Variants in ZNF432 observed in about 807,000 individuals in gnomAD.
The protein encoded by ZNF432 is zinc finger protein 432.
A neutral mutation model predicts 13.9 loss-of-function variants in ZNF432; 10 were observed. The ratio of observed to expected loss-of-function variants is 0.72; its 90% CI spans 0.44 to 1.22. ZNF432 has a LOEUF of 1.22. ZNF432 is among the 50% of genes most tolerant of loss of function. The pLI is 0.00. For synonymous variants in ZNF432, 247 were observed against 256.2 expected, an observed-to-expected ratio of 0.96 and a Z score of 0.34; for missense variants, 793 against 796.2, an observed-to-expected ratio of 1.00 and a Z score of 0.05.
chr19:52,034,027 G>T lies in ZNF432; in HGVS notation c.1652C>A (p.Thr551Asn), dbSNP rs550687283. 6.2e-7 allele frequency: 1 copy of T among 1,614,188 alleles called. No homozygotes were observed. The highest frequency in any genetic ancestry group is 1.3e-5 in the African/African-American group (1 of 75,054). Reference sequence around the variant, plus strand: ...ATGTACAATGAGATAGCGTTTCATGGTGAAGCCTTTTCCACATTCACTGCA... The same window carrying T: ...ATGTACAATGAGATAGCGTTTCATGTTGAAGCCTTTTCCACATTCACTGCA... Reference protein sequence around the residue: ...FMCSECGKGFTMKRYLIVHQQ... With the variant: ...FMCSECGKGFNMKRYLIVHQQ... Residue 551 changes from threonine (T) to asparagine (N), a missense_variant, in exon 5 of 5, where the codon ACC becomes AAC. Thr to Asn is a moderately conservative substitution (Grantham distance 65). Coordinates refer to ENST00000221315, the MANE Select transcript of ZNF432 (RefSeq NM_014650.4).
rs778228770 is a variant in ZNF432 at position 52,033,865 on chromosome 19, C to T, written c.1814G>A (p.Gly605Asp). Residue 605 changes from glycine (G) to aspartate (D), a missense_variant, in exon 5 of 5, where the codon GGC (glycine) becomes GAC (aspartate). Physicochemically the swap from Gly to Asp is moderately conservative, Grantham distance 94. Transcript: ENST00000221315. ...AATTAGACGGCTCTTCATAGTGAAG[C>T]CTTTACCACATTCATTACATCCATA... ...KPYGCNECGK[G>D]FTMKSRLIVH... The T allele has an allele frequency of 7.4e-6, 12 of 1,614,052 alleles. No individual in the cohort carries two copies. In the East Asian group the frequency reaches 1.8e-4, roughly 24 times the overall value.
Position 52,035,121 on chromosome 19 carries a change from A to G in ZNF432, c.558T>C (p.Asn186=), listed in dbSNP as rs1264020692. ...AAKFSVSTKA[N]STKSQVSKHQ... ...GCTTACTGACTTGGGATTTAGTGCT[A>G]TTGGCTTTTGTACTTACAGAGAATT... The change falls in exon 5 of 5, where the codon AAT becomes AAC. Residue 186 remains asparagine (N), a synonymous_variant. Transcript: ENST00000221315. The G allele has an allele frequency of 3.7e-6, 6 of 1,613,990 alleles. No individual in the cohort carries two copies. The highest frequency in any genetic ancestry group is 5.1e-6 in the Non-Finnish European group (6 of 1,179,990).
rs755650894 is a variant in ZNF432, at chr19:52,034,537, C to A, written c.1142G>T (p.Gly381Val). 8 of 1,612,356 alleles carry A rather than the reference C, an allele frequency of 5.0e-6. No individual in the cohort carries two copies. Among genetic ancestry groups the A allele is most frequent in the Admixed American group, 1.7e-5 (1 of 59,894 alleles). Residue 381 changes from glycine to valine, a missense_variant, in exon 5 of 5, where the codon GGC (glycine) becomes GTC (valine). Gly to Val is a moderately radical substitution (Grantham distance 109, BLOSUM62 -3). Transcript: ENST00000221315. ...GATCATACGGCTCTTCATGGTGAAG[C>A]CTTTCCCACATTCATTGCATATATA... The part of the protein sequence containing the change: ...KPYICNECGK[G>V]FTMKSRMIEH...
chr19:52,038,878 G>C (rs754749731), intron 4 of ZNF432, among the ~76,000 whole-genome samples: 1 of 152,238 alleles, frequency 6.6e-6, no homozygotes, highest in Admixed American at 6.5e-5. Context: ...TGTTTGCCTG[G>C]TGGCTTTAGC....
chr19:52,044,503 T>C (rs1318658972), intron 2 of ZNF432, among the ~76,000 whole-genome samples: 1 of 151,984 alleles, frequency 6.6e-6, no homozygotes, highest in Admixed American at 6.6e-5. Context: ...AAAAGATCAA[T>C]ATATAGTAGA....
At chr19:52,041,836 G>A (rs2087139650) in intron 2 of ZNF432, among the ~76,000 whole-genome samples, 1 of 152,054 alleles carries the variant, frequency 6.6e-6, no homozygotes, top group South Asian at 2.1e-4. Flanking sequence ...CAGTAAAAGC[G>A]GGTTTTATGT....
In ZNF432 at chr19:52,033,935, T is replaced by C. The variant is rs1394416746; in HGVS notation, c.1744A>G (p.Thr582Ala). Reference sequence around the variant, plus strand: ...ACTTGCTTATGTAAAGCAAGCTCTGTTTCCTTGGCAAAGCCTCTTCCACAT... The same window carrying C: ...ACTTGCTTATGTAAAGCAAGCTCTGCTTCCTTGGCAAAGCCTCTTCCACAT... Reference protein sequence around the residue: ...SECGRGFAKETELALHKQVHT... With the variant: ...SECGRGFAKEAELALHKQVHT... The change falls in exon 5 of 5, where the codon ACA becomes GCA. Residue 582 changes from threonine to alanine, a missense_variant. Thr to Ala is a moderately conservative substitution (Grantham distance 58). Coordinates refer to ENST00000221315, the MANE Select transcript of ZNF432 (RefSeq NM_014650.4). 2.5e-6 allele frequency: 4 copies of C among 1,613,882 alleles called. No homozygotes were observed. Among genetic ancestry groups the C allele is most frequent in the South Asian group, 1.1e-5 (1 of 91,026 alleles).
chr19:52,035,564 GCT>G, intron 4 of ZNF432, 124 bp from the exon 5 acceptor site: 1 of 798,534 alleles, frequency 1.3e-6, no homozygotes, highest in East Asian at 3.0e-5. Context: ...ACAGAGTCTC[GCT>G]CTGTTACCCA....
Position 52,046,932 on chromosome 19 carries a change from C to T in ZNF432, c.-64G>A. 1 of 1,574,536 alleles carries T rather than the reference C, an allele frequency of 6.4e-7. No individual in the cohort carries two copies. Among genetic ancestry groups the T allele is most frequent in the South Asian group, 1.2e-5 (1 of 86,702 alleles). ...TCTGTCTTTGTCTCCTCTGGATCTGCCTTAAATTTCTATTTAGAAACTTCA... is the reference window on the plus strand; with the variant it reads ...TCTGTCTTTGTCTCCTCTGGATCTGTCTTAAATTTCTATTTAGAAACTTCA... On this transcript the variant is annotated 5_prime_UTR_variant, in exon 2 of 5. Transcript: ENST00000221315.
In ZNF432 at chr19:52,034,040, C is replaced by A; in HGVS notation, c.1639G>T (p.Gly547Ter). 1 of 1,614,154 alleles carries A rather than the reference C, an allele frequency of 6.2e-7. No individual in the cohort carries two copies. ...TAGCGTTTCATGGTGAAGCCTTTTC[C>A]ACATTCACTGCACATAAAGGGTTTC... ...GEKPFMCSEC[G>*]KGFTMKRYLI... Residue 547 changes from glycine to a stop codon, truncating the protein, a stop_gained, in exon 5 of 5, where the codon GGA (glycine) becomes TGA (stop). Coordinates refer to ENST00000221315, the MANE Select transcript of ZNF432 (RefSeq NM_014650.4). LOFTEE classifies it low-confidence loss of function (END_TRUNC).
In ZNF432 at chr19:52,041,514, C is replaced by A; in HGVS notation, c.108G>T (p.Val36=). 6.2e-7 allele frequency: 1 copy of A among 1,610,578 alleles called. No homozygotes were observed. The highest frequency in any genetic ancestry group is 8.5e-7 in the Non-Finnish European group (1 of 1,177,984). ...GCAGGTTGCTGTAGATCTCCAACATCACATCCCGGTACAAATCCTTCTGAA... is the reference window on the plus strand; with the variant it reads ...GCAGGTTGCTGTAGATCTCCAACATAACATCCCGGTACAAATCCTTCTGAA... ...GPFQKDLYRD[V]MLEIYSNLLS... Residue 36 remains valine (V), a synonymous_variant, in exon 3 of 5, where the codon GTG becomes GTT. Coordinates refer to ENST00000221315, the MANE Select transcript of ZNF432 (RefSeq NM_014650.4).
At position 52,046,922 on chromosome 19, in the gene ZNF432, T is replaced by C; in HGVS notation, c.-54A>G. The C allele has an allele frequency of 6.3e-7, 1 of 1,598,070 alleles. No homozygotes were observed. Among genetic ancestry groups the C allele is most frequent in the Admixed American group, 1.7e-5 (1 of 57,618 alleles). On this transcript the variant is annotated 5_prime_UTR_variant, in exon 2 of 5. Coordinates refer to ENST00000221315, the MANE Select transcript of ZNF432 (RefSeq NM_014650.4). Reference sequence around the variant, plus strand: ...CCTGGGATACTCTGTCTTTGTCTCCTCTGGATCTGCCTTAAATTTCTATTT... The same window carrying C: ...CCTGGGATACTCTGTCTTTGTCTCCCCTGGATCTGCCTTAAATTTCTATTT...
chr19:52,043,288 T>A (rs1799317050), intron 2 of ZNF432, among the ~76,000 whole-genome samples: 1 of 152,234 alleles, frequency 6.6e-6, no homozygotes, highest in South Asian at 2.1e-4. Flanking sequence ...CTCGGAAACA[T>A]GTGCTGTGTC....
rs1040562343 is a variant in ZNF432 at position 52,031,952 on chromosome 19, G to A, written c.*1768C>T. The A allele has an allele frequency of 4.6e-5, 7 of 152,266 alleles. No homozygotes were observed. Among genetic ancestry groups the A allele is most frequent in the Admixed American group, 6.5e-5 (1 of 15,304 alleles). 9.4% of individuals were successfully genotyped at this position (152,266 alleles called of 1,614,324 possible). A position where few individuals can be genotyped will look rare whatever the true frequency, so the allele number is the denominator to read the frequency against. The stretch of plus-strand genomic sequence containing the variant: ...GGCGGGGTTGCAGTGAGCCAAGATC[G>A]TGCTATTACACTCCAACCTGGGCAA... On this transcript the variant is annotated 3_prime_UTR_variant, in exon 5 of 5. Coordinates refer to ENST00000221315, the MANE Select transcript of ZNF432 (RefSeq NM_014650.4).
Position 52,036,594 on chromosome 19 carries a change from G to T in ZNF432, c.239-1154C>A, listed in dbSNP as rs534272128. Among the ~76,000 whole-genome samples the T allele has an allele frequency of 2.6e-5, 4 of 152,210 alleles. No individual in the cohort carries two copies. In the East Asian group the frequency reaches 7.7e-4, roughly 29 times the overall value. ...ATCAAATATGTAACACAGACATCAA[G>T]AATCTGGTTGGAGGTATAAATGGAG... On this transcript the variant is annotated intron_variant, in intron 4 of 4. Transcript: ENST00000221315.
intron 4 of ZNF432, 21 bp from the exon 5 acceptor site, chr19:52,035,461 G>C (rs367931760): frequency 6.6e-7 from 1 of 1,504,980 alleles, no homozygotes; most frequent in African/African-American, 1.4e-5. Context: ...AGAGAACAAT[G>C]AATCCTTTTA....
chr19:52,032,641 G>C lies in ZNF432; in HGVS notation c.*1079C>G, dbSNP rs543853192. On this transcript the variant is annotated 3_prime_UTR_variant, in exon 5 of 5. Transcript: ENST00000221315. Reference sequence around the variant, plus strand: ...GTAGAGAGGGGGGCTTCACCATGTTGGTCAGGCTGGTCTCGAACTCCCGAC... The same window carrying C: ...GTAGAGAGGGGGGCTTCACCATGTTCGTCAGGCTGGTCTCGAACTCCCGAC... 7.2e-5 allele frequency: 11 copies of C among 152,126 alleles called. No individual in the cohort carries two copies. The highest frequency in any genetic ancestry group is 2.7e-4 in the African/African-American group (11 of 41,494). 9.4% of individuals were successfully genotyped at this position (152,126 alleles called of 1,614,324 possible). A position where few individuals can be genotyped will look rare whatever the true frequency, so the allele number is the denominator to read the frequency against.
rs1302616581 is a variant in ZNF432 at position 52,040,563 on chromosome 19, C to A, written c.163G>T (p.Asp55Tyr). ...CCTCGTTCCAACTTGGAGAGTGCATCTGGTTTGCTGACTTGATAACCTGTT... is the reference window on the plus strand; with the variant it reads ...CCTCGTTCCAACTTGGAGAGTGCATATGGTTTGCTGACTTGATAACCTGTT... Reference protein sequence around the residue: ...LSMGYQVSKPDALSKLERGEE... With the variant: ...LSMGYQVSKPYALSKLERGEE... Residue 55 changes from aspartate to tyrosine, a missense_variant, in exon 4 of 5, where the codon GAT becomes TAT. Asp to Tyr is a radical substitution (Grantham distance 160). Transcript: ENST00000221315. 1.2e-6 allele frequency: 2 copies of A among 1,614,014 alleles called. No homozygotes were observed. Among genetic ancestry groups the A allele is most frequent in the Non-Finnish European group, 1.7e-6 (2 of 1,180,014 alleles).
Position 52,032,914 on chromosome 19 carries a change from C to T in ZNF432, c.*806G>A, listed in dbSNP as rs1244918153. The T allele has an allele frequency of 6.6e-6, 1 of 152,172 alleles. No homozygotes were observed. Among genetic ancestry groups the T allele is most frequent in the African/African-American group, 2.4e-5 (1 of 41,434 alleles). The allele number at this position is 152,172 out of a possible 1,614,324, so 9.4% of individuals were successfully genotyped here. ...TGTTCTCCAGTATGAAATATATCTG[C>T]CAACTGTTAAGGTTTTATTTCTGGG... On this transcript the variant is annotated 3_prime_UTR_variant, in exon 5 of 5. Transcript: ENST00000221315.
Sources: gnomAD v4.1 joint callset for allele counts (sites outside exome capture counted in the v4.1 genomes callset) on GRCh38, gnomAD v4.1.1 for gene constraint, MANE v1.5 for transcripts, NCBI Gene and HGNC (gene_info 2026-07-23, HGNC 2026-07-21) for gene names.